Variants in AFG2A observed in about 807,000 individuals in gnomAD.
AFG2A encodes AAA ATPase AFG2A.
chr4:123,065,416 G>A, the AFG2A span, among the ~76,000 whole-genome samples: 1 of 152,050 alleles, frequency 6.6e-6, no homozygotes, highest in African/African-American at 2.4e-5. Flanking sequence ...GTAAATTCTA[G>A]GTTTTTGGAA....
chr4:123,131,927 A>T, the AFG2A span, among the ~76,000 whole-genome samples: 11 of 152,210 alleles, frequency 7.2e-5, no homozygotes. Context: ...GCACCATTTT[A>T]TATTCATTCC....
chr4:123,317,100 C>G, the AFG2A span: 9 of 151,900 alleles, frequency 5.9e-5, no homozygotes, highest in African/African-American at 1.9e-4. Flanking sequence ...TGGTGGGCGC[C>G]TGTAGTCCCA....
chr4:122,967,281 TC>T, the AFG2A span, among the ~76,000 whole-genome samples: 3 of 152,098 alleles, frequency 2.0e-5, no homozygotes, highest in East Asian at 5.8e-4. Context: ...GTGTCTGTAG[TC>T]CTAGCTACTT....
chr4:123,120,391 C>A, the AFG2A span, among the ~76,000 whole-genome samples: 1 of 152,090 alleles, frequency 6.6e-6, no homozygotes, highest in Non-Finnish European at 1.5e-5. Context: ...AGCTTCAGTG[C>A]ACTTGTGACA....
At chr4:123,003,634 G>A in the AFG2A span, among the ~76,000 whole-genome samples, 1 of 152,100 alleles carries the variant, frequency 6.6e-6, no homozygotes, top group Non-Finnish European at 1.5e-5. Context: ...TTCATGATCT[G>A]CAAATGCTGC....
the AFG2A span, among the ~76,000 whole-genome samples, chr4:123,007,577 TGTGTGTGTGTGTGTGTG>T: frequency 0.01 from 108 of 10,560 alleles, no homozygotes; most frequent in South Asian, 0.19. Flanking sequence ...TATGTGTGTG[TGTGTGTGTGTGTGTGTG>T]TGTGTGTGTG....
At chr4:122,933,484 C>A in the AFG2A span, 4 of 1,611,376 alleles carry the variant, frequency 2.5e-6, no homozygotes, top group African/African-American at 5.3e-5. Context: ...CTGGTTGTAT[C>A]CTGAGAAAAC....
At chr4:122,980,431 C>G in the AFG2A span, among the ~76,000 whole-genome samples, 2,077 of 152,258 alleles carry the variant, frequency 0.014, 46 homozygotes, top group African/African-American at 0.047. Flanking sequence ...GATTGATTCC[C>G]TATCTTGGAT....
At chr4:122,939,652 T>C in the AFG2A span, among the ~76,000 whole-genome samples, 1 of 152,122 alleles carries the variant, frequency 6.6e-6, no homozygotes, top group African/African-American at 2.4e-5. Context: ...TTTTTATACT[T>C]TAAGTTTTAG....
chr4:123,154,928 C>A, the AFG2A span, among the ~76,000 whole-genome samples: 2 of 151,964 alleles, frequency 1.3e-5, no homozygotes, highest in Non-Finnish European at 2.9e-5. Context: ...GAATCTCTTG[C>A]CAACATTTTT....
chr4:123,178,075 A>T, the AFG2A span, among the ~76,000 whole-genome samples: 2 of 152,212 alleles, frequency 1.3e-5, no homozygotes, highest in Non-Finnish European at 2.9e-5. Context: ...ATAATACAGG[A>T]GGAAATACAA....
the AFG2A span, among the ~76,000 whole-genome samples, chr4:123,046,386 G>A: frequency 1.3e-5 from 2 of 152,166 alleles, no homozygotes; most frequent in Non-Finnish European, 2.9e-5. Context: ...GCTTAGAACA[G>A]TTCATGGCAC....
At chr4:123,142,330 CT>C in the AFG2A span, among the ~76,000 whole-genome samples, 1 of 152,166 alleles carries the variant, frequency 6.6e-6, no homozygotes, top group East Asian at 1.9e-4. Context: ...GATGTAAAGT[CT>C]TTCACAGGCC....
the AFG2A span, among the ~76,000 whole-genome samples, chr4:123,020,241 A>T: frequency 6.6e-6 from 1 of 152,166 alleles, no homozygotes; most frequent in African/African-American, 2.4e-5. Context: ...GTCAAATGAT[A>T]AAAGTAATGC....
At chr4:123,271,866 GT>G in the AFG2A span, among the ~76,000 whole-genome samples, 2,647 of 150,072 alleles carry the variant, frequency 0.018, 61 homozygotes, top group African/African-American at 0.058. Context: ...TTCCTAATAT[GT>G]TTTTTTTTTT....
the AFG2A span, chr4:122,933,364 C>A: frequency 9.0e-7 from 1 of 1,105,132 alleles, no homozygotes; most frequent in Non-Finnish European, 1.4e-6. Context: ...TAACCATATA[C>A]ATGTAATTTT....
the AFG2A span, among the ~76,000 whole-genome samples, chr4:123,071,986 G>C: frequency 1.3e-5 from 2 of 152,124 alleles, no homozygotes; most frequent in Non-Finnish European, 2.9e-5. Flanking sequence ...CTGATTAAAA[G>C]ATGGCTGTAG....
the AFG2A span, among the ~76,000 whole-genome samples, chr4:123,224,897 G>A: frequency 5.2e-4 from 79 of 152,148 alleles, no homozygotes; most frequent in Middle Eastern, 3.4e-3. Flanking sequence ...TATAATGATC[G>A]CCATTCTAAC....
the AFG2A span, among the ~76,000 whole-genome samples, chr4:123,075,214 G>A: frequency 7.2e-5 from 11 of 152,204 alleles, no homozygotes; most frequent in Admixed American, 7.2e-4. Flanking sequence ...AAAGTGCTGG[G>A]ATTACAGGCA....
Sources: allele counts gnomAD v4.1 joint callset (sites outside exome capture counted in the v4.1 genomes callset), GRCh38; gene constraint gnomAD v4.1.1; transcripts MANE v1.5; gene names NCBI Gene and HGNC (gene_info 2026-07-23, HGNC 2026-07-21).